Variants in CUL3 observed in about 807,000 individuals in gnomAD.
CUL3 encodes cullin 3, also known as cullin-3.
CUL3 carries 19 observed loss-of-function variants against 89.1 expected under a neutral mutation model. The ratio of observed to expected loss-of-function variants is 0.21; its 90% CI spans 0.15 to 0.31. The LOEUF is 0.31. Among genes scored for constraint, CUL3 ranks in the 10% least tolerant of loss-of-function variants. CUL3 has a pLI of 1.00. For missense variants in CUL3, 469 were observed against 942.3 expected (o/e 0.50, Z 6.58); for synonymous variants, 351 against 308.4 (o/e 1.14, Z -1.45).
At chr2:224,490,315 T>C (rs1001646328) in intron 13 of CUL3, among the ~76,000 whole-genome samples, 1 of 152,140 alleles carries the variant, frequency 6.6e-6, no homozygotes, top group Non-Finnish European at 1.5e-5. Flanking sequence ...CTGTCCTCTC[T>C]CTCTAACCCC....
At chr2:224,567,638 G>A (rs1160227064) in intron 1 of CUL3, among the ~76,000 whole-genome samples, 1 of 152,008 alleles carries the variant, frequency 6.6e-6, no homozygotes, top group Non-Finnish European at 1.5e-5. Flanking sequence ...TACTCGGGAG[G>A]CTGAGGCAGG....
chr2:224,581,389 C>T (rs888542539), intron 1 of CUL3, among the ~76,000 whole-genome samples: 1 of 147,918 alleles, frequency 6.8e-6, no homozygotes. Context: ...GAGCGAGTTT[C>T]CATCTCAAAA....
intron 1 of CUL3, among the ~76,000 whole-genome samples, chr2:224,578,166 C>G (rs1234830611): frequency 5.9e-5 from 9 of 152,122 alleles, no homozygotes; most frequent in Admixed American, 5.9e-4. Context: ...CATAGATGGA[C>G]TCAAATATTT....
chr2:224,570,415 G>A (rs149365342), intron 1 of CUL3, among the ~76,000 whole-genome samples: 9 of 152,290 alleles, frequency 5.9e-5, no homozygotes, highest in Non-Finnish European at 1.2e-4. Context: ...AACGTGAGAC[G>A]GTGGACTGTG....
chr2:224,499,691 C>T (rs1048063856), intron 11 of CUL3: 5 of 213,684 alleles, frequency 2.3e-5, no homozygotes, highest in Middle Eastern at 7.9e-4. Flanking sequence ...CAGCTATCTA[C>T]GGTCACTGCA....
At chr2:224,571,650 C>T (rs938719590) in intron 1 of CUL3, among the ~76,000 whole-genome samples, 1 of 145,220 alleles carries the variant, frequency 6.9e-6, no homozygotes, top group Non-Finnish European at 1.5e-5. Context: ...ACTGTCAACT[C>T]ACCAAAAAAA....
chr2:224,582,489 T>C lies in CUL3; in HGVS notation c.66+2455A>G, dbSNP rs1695464606. ...ATAGTTCTTTCCAATGGGAATCACT[T>C]AGGAATGTTATTAATACTTATTAAA... is the stretch of plus-strand genomic sequence containing the variant. On this transcript the variant is annotated intron_variant, in intron 1 of 15. Transcript: ENST00000264414. Among the ~76,000 whole-genome samples the C allele has an allele frequency of 2.0e-5, 3 of 152,200 alleles. No individual in the cohort carries two copies. The South Asian group carries it at 6.2e-4, about 32-fold the overall frequency.
chr2:224,534,608 T>C (rs1268260933), intron 3 of CUL3, among the ~76,000 whole-genome samples: 1 of 152,168 alleles, frequency 6.6e-6, no homozygotes, highest in Admixed American at 6.5e-5. Flanking sequence ...AAAGGACAAG[T>C]GCTAAATACT....
intron 1 of CUL3, among the ~76,000 whole-genome samples, chr2:224,567,596 C>T (rs1028759428): frequency 1.3e-5 from 2 of 151,850 alleles, no homozygotes; most frequent in African/African-American, 2.4e-5. Flanking sequence ...AAAAATTAGC[C>T]GGGTGTGGTG....
intron 2 of CUL3, among the ~76,000 whole-genome samples, chr2:224,537,342 A>G (rs1303296209): frequency 6.6e-6 from 1 of 152,214 alleles, no homozygotes; most frequent in Non-Finnish European, 1.5e-5. Context: ...TCTACTAAAT[A>G]TACAGTATAA....
Position 224,538,079 on chromosome 2 carries a change from C to A in CUL3, c.265-2438G>T, listed in dbSNP as rs183249916. On this transcript the variant is annotated intron_variant, in intron 2 of 15. Transcript: ENST00000264414. ...TCATACCTCAAAAAATTATCCTGAC[C>A]AATAACGGTGAATTTTACTAGCAGA... Among the ~76,000 whole-genome samples, 524 of 152,166 alleles carry A rather than the reference C, an allele frequency of 3.4e-3. 22 individuals carry two copies. Among genetic ancestry groups the A allele is most frequent in the Admixed American group, 0.027 (411 of 15,274 alleles).
At chr2:224,576,110 T>C (rs1695291203) in intron 1 of CUL3, among the ~76,000 whole-genome samples, 1 of 152,134 alleles carries the variant, frequency 6.6e-6, no homozygotes, top group Admixed American at 6.5e-5. Context: ...AGAGTAATTC[T>C]CAAGCCAAAA....
At chr2:224,573,983 A>G (rs541770630) in intron 1 of CUL3, among the ~76,000 whole-genome samples, 3 of 152,286 alleles carry the variant, frequency 2.0e-5, no homozygotes, top group Non-Finnish European at 4.4e-5. Context: ...AAGAAAAAGG[A>G]ATTTTTCACC....
chr2:224,521,500 G>A (rs1442023723), intron 3 of CUL3, among the ~76,000 whole-genome samples: 2 of 150,808 alleles, frequency 1.3e-5, no homozygotes, highest in East Asian at 3.9e-4. Context: ...GCACGATCTC[G>A]GTTCACTGCA....
At position 224,473,462 on chromosome 2, in the gene CUL3, C is replaced by A; in HGVS notation, c.*783G>T. ...ACAATAAATGAAATAAAAACACCAC[C>A]CTATACAATCCACTATTAGCAGTGA... On this transcript the variant is annotated 3_prime_UTR_variant, in exon 16 of 16. Coordinates refer to ENST00000264414, the MANE Select transcript of CUL3 (RefSeq NM_003590.5). The A allele has an allele frequency of 5.4e-6, 1 of 184,864 alleles. No homozygotes were observed. The highest frequency in any genetic ancestry group is 1.1e-5 in the Non-Finnish European group (1 of 87,036). 11.5% of individuals were successfully genotyped at this position (184,864 alleles called of 1,614,324 possible). A position where few individuals can be genotyped will look rare whatever the true frequency, so the allele number is the denominator to read the frequency against.
intron 1 of CUL3, among the ~76,000 whole-genome samples, chr2:224,564,958 C>T (rs1223139932): frequency 1.3e-5 from 2 of 152,186 alleles, no homozygotes; most frequent in Admixed American, 6.5e-5. Flanking sequence ...CTCTCATCTC[C>T]TTCTTATCCA....
intron 1 of CUL3, among the ~76,000 whole-genome samples, chr2:224,570,204 T>A (rs1695152748): frequency 6.6e-6 from 1 of 152,128 alleles, no homozygotes; most frequent in South Asian, 2.1e-4. Flanking sequence ...TCTTATTTGA[T>A]GACCAAACAG....
intron 13 of CUL3, among the ~76,000 whole-genome samples, chr2:224,483,531 T>G (rs975652929): frequency 2.0e-4 from 31 of 152,222 alleles, no homozygotes; most frequent in African/African-American, 7.2e-4. Context: ...ACCTGCACTC[T>G]GGTAATCAAT....
intron 1 of CUL3, among the ~76,000 whole-genome samples, chr2:224,578,452 G>A (rs1695360804): frequency 6.6e-6 from 1 of 152,026 alleles, no homozygotes; most frequent in South Asian, 2.1e-4. Context: ...TTTCCAAGTG[G>A]TAGGATTACA....
Sources: allele counts gnomAD v4.1 joint callset (sites outside exome capture counted in the v4.1 genomes callset), GRCh38; gene constraint gnomAD v4.1.1; transcripts MANE v1.5; gene names NCBI Gene and HGNC (gene_info 2026-07-23, HGNC 2026-07-21).